Variants in PCED1B observed in about 807,000 individuals in gnomAD.
The protein encoded by PCED1B is PC-esterase domain containing 1B.
For synonymous variants in PCED1B, 251 were observed against 246.1 expected, an observed-to-expected ratio of 1.02 and a Z score of -0.19; for missense variants, 573 against 573.9, an observed-to-expected ratio of 1.00 and a Z score of 0.02.
At chr12:47,145,927 T>C (rs1940766145) in intron 2 of PCED1B, among the ~76,000 whole-genome samples, 1 of 152,202 alleles carries the variant, frequency 6.6e-6, no homozygotes, top group Admixed American at 6.5e-5. Flanking sequence ...GAAATACTTT[T>C]CATAAGGCTA....
At chr12:47,220,980 A>G (rs1424469315) in intron 3 of PCED1B, among the ~76,000 whole-genome samples, 5 of 152,206 alleles carry the variant, frequency 3.3e-5, no homozygotes, top group Non-Finnish European at 7.3e-5. Flanking sequence ...GAAGATCCCA[A>G]GAAGAAAGGA....
chr12:47,121,861 G>A (rs1347902008), intron 2 of PCED1B, among the ~76,000 whole-genome samples: 3 of 151,890 alleles, frequency 2.0e-5, no homozygotes, highest in African/African-American at 7.3e-5. Context: ...GTGAAACCCC[G>A]TCTCTACTAA....
intron 2 of PCED1B, among the ~76,000 whole-genome samples, chr12:47,174,401 T>A: frequency 7.5e-6 from 1 of 133,106 alleles, no homozygotes; most frequent in Admixed American, 8.2e-5. Context: ...AGAGTGAGAC[T>A]CAATCCAAAA....
intron 3 of PCED1B, among the ~76,000 whole-genome samples, chr12:47,232,507 T>C (rs1331129274): frequency 6.6e-6 from 1 of 152,264 alleles, no homozygotes; most frequent in East Asian, 1.9e-4. Flanking sequence ...CCTATTAAAA[T>C]GTTCCTACAT....
At chr12:47,133,641 T>C (rs1008539065) in intron 2 of PCED1B, among the ~76,000 whole-genome samples, 4 of 152,214 alleles carry the variant, frequency 2.6e-5, no homozygotes, top group African/African-American at 4.8e-5. Context: ...CTGTGTTTAA[T>C]ATCACAGTAT....
intron 2 of PCED1B, among the ~76,000 whole-genome samples, chr12:47,200,194 CA>C (rs534572202): frequency 0.022 from 3,200 of 142,892 alleles, 49 homozygotes; most frequent in African/African-American, 0.056. Flanking sequence ...GATCTTGCCT[CA>C]AAAAAAAAAA....
intron 2 of PCED1B, among the ~76,000 whole-genome samples, chr12:47,187,394 T>C (rs1344902524): frequency 1.3e-5 from 2 of 152,162 alleles, no homozygotes; most frequent in Admixed American, 1.3e-4. Flanking sequence ...CTGGTACTGA[T>C]GAAAATCCCC....
At chr12:47,137,730 T>TAA (rs71077122) in intron 2 of PCED1B, among the ~76,000 whole-genome samples, 1 of 98,180 alleles carries the variant, frequency 1.0e-5, no homozygotes, top group East Asian at 2.7e-4. Context: ...AGGCCCTGTC[T>TAA]AAAAAAAAAA....
chr12:47,201,301 A>T (rs1317911936), intron 2 of PCED1B, among the ~76,000 whole-genome samples: 2 of 152,106 alleles, frequency 1.3e-5, no homozygotes, highest in African/African-American at 2.4e-5. Context: ...AATCAGACGA[A>T]TTCCTTGGAA....
chr12:47,098,837 GAGAA>G (rs1396490450), intron 1 of PCED1B, among the ~76,000 whole-genome samples: 5 of 152,190 alleles, frequency 3.3e-5, no homozygotes, highest in African/African-American at 9.7e-5. Flanking sequence ...AAACAAAAGA[GAGAA>G]AGAAAGAGTG....
At chr12:47,159,241 T>C (rs934319258) in intron 2 of PCED1B, among the ~76,000 whole-genome samples, 21 of 152,180 alleles carry the variant, frequency 1.4e-4, no homozygotes, top group African/African-American at 4.3e-4. Context: ...TGATTTCTTT[T>C]CCTCTGGATA....
At chr12:47,211,122 T>C (rs1470461273) in intron 2 of PCED1B, among the ~76,000 whole-genome samples, 1 of 152,174 alleles carries the variant, frequency 6.6e-6, no homozygotes, top group East Asian at 1.9e-4. Flanking sequence ...TACTCTAACA[T>C]AAAGCCATAA....
At chr12:47,188,383 C>T (rs1266216680) in intron 2 of PCED1B, among the ~76,000 whole-genome samples, 1 of 152,182 alleles carries the variant, frequency 6.6e-6, no homozygotes, top group Non-Finnish European at 1.5e-5. Context: ...AGCTGCAAAT[C>T]TTCCTGGCCT....
At chr12:47,104,464 G>T (rs538861025) in intron 2 of PCED1B, among the ~76,000 whole-genome samples, 1 of 152,308 alleles carries the variant, frequency 6.6e-6, no homozygotes, top group African/African-American at 2.4e-5. Flanking sequence ...TCTACCACAT[G>T]GTAAGAGCTC....
chr12:47,171,891 T>C (rs1329783866), intron 2 of PCED1B, among the ~76,000 whole-genome samples: 87 of 144,064 alleles, frequency 6.0e-4, no homozygotes, highest in African/African-American at 2.1e-3. Flanking sequence ...CTTCTTCTTC[T>C]TCTTCCTCTT....
rs577613748 is a variant in PCED1B at position 47,113,619 on chromosome 12, T to C, written c.-526+9424T>C. Among the ~76,000 whole-genome samples the C allele has an allele frequency of 1.1e-4, 16 of 152,368 alleles. No homozygotes were observed. In the East Asian group the frequency reaches 2.1e-3, roughly 20 times the overall value. On this transcript the variant is annotated intron_variant, in intron 2 of 3. Coordinates refer to ENST00000546455, the MANE Select transcript of PCED1B (RefSeq NM_138371.3). ...ATTTTACCAGATTTGTACTGCTTTT[T>C]AGTTTGCATCAGAAATCTGTGGGAC...
At chr12:47,131,892 C>T (rs148374139) in intron 2 of PCED1B, among the ~76,000 whole-genome samples, 4,482 of 152,140 alleles carry the variant, frequency 0.029, 175 homozygotes, top group African/African-American at 0.086. Flanking sequence ...TGGTCTTGAT[C>T]TCCTGACCTC....
At position 47,229,328 on chromosome 12, in the gene PCED1B, C is replaced by T. The variant is rs185952996; in HGVS notation, c.-57-5679C>T. Among the ~76,000 whole-genome samples, 1,126 of 151,764 alleles carry T rather than the reference C, an allele frequency of 7.4e-3. 7 individuals carry two copies. Among genetic ancestry groups the T allele is most frequent in the Middle Eastern group, 0.014 (4 of 294 alleles). ...ACTCGGGAGGCCAAGACAGGAGAAT[C>T]GCTTGAACCCAAGAGGCAGAGTTTG... On this transcript the variant is annotated intron_variant, in intron 3 of 3. Coordinates refer to ENST00000546455, the MANE Select transcript of PCED1B (RefSeq NM_138371.3).
intron 1 of PCED1B, among the ~76,000 whole-genome samples, chr12:47,092,869 A>G (rs1938326442): frequency 6.6e-6 from 1 of 152,076 alleles, no homozygotes; most frequent in Admixed American, 6.5e-5. Flanking sequence ...CACTCCATTT[A>G]CTGTATCAAT....
Sources: gnomAD v4.1 joint callset for allele counts (sites outside exome capture counted in the v4.1 genomes callset) on GRCh38, gnomAD v4.1.1 for gene constraint, MANE v1.5 for transcripts, NCBI Gene and HGNC (gene_info 2026-07-23, HGNC 2026-07-21) for gene names.